The following UGT1A8 variants were observed in gnomAD, a reference collection of about 807,000 sequenced individuals.
UGT1A8 encodes the protein UDP-glucuronosyltransferase 1A8.
UGT1A8 carries 39 observed loss-of-function variants against 45.3 expected under a neutral mutation model. The observed-to-expected ratio is 0.86, with a 90% CI of 0.67 to 1.12. The LOEUF (loss-of-function observed/expected upper bound fraction) is 1.12. UGT1A8 is among the 50% of genes most tolerant of loss of function. The pLI, the probability that UGT1A8 is intolerant of heterozygous loss-of-function variation, is 0.00. For missense variants in UGT1A8, 719 were observed against 664.9 expected (o/e 1.08, Z -0.90); for synonymous variants, 275 against 249.2 (o/e 1.10, Z -0.97).
At chr2:233,676,444 TG>T (rs1282482436) in intron 1 of UGT1A8, among the ~76,000 whole-genome samples, 5 of 152,234 alleles carry the variant, frequency 3.3e-5, no homozygotes, top group Non-Finnish European at 7.3e-5. Flanking sequence ...CATGTTTCTA[TG>T]GCACATCCAT....
At chr2:233,692,951 T>G (rs2075122028) in intron 1 of UGT1A8, 1 of 1,602,764 alleles carries the variant, frequency 6.2e-7, no homozygotes, top group East Asian at 2.2e-5. Context: ...AGGAGCCCTG[T>G]GATTTGGAGA....
At chr2:233,682,872 C>G (rs1348712274) in intron 1 of UGT1A8, 5 of 1,521,250 alleles carry the variant, frequency 3.3e-6, no homozygotes, top group Non-Finnish European at 4.4e-6. Flanking sequence ...CATAATTTAT[C>G]ATTTACATTT....
chr2:233,695,167 T>C (rs898009991), intron 1 of UGT1A8, among the ~76,000 whole-genome samples: 3 of 145,396 alleles, frequency 2.1e-5, no homozygotes, highest in East Asian at 2.0e-4. Flanking sequence ...CACTCTGTCA[T>C]CAGGCTGGAG....
intron 1 of UGT1A8, among the ~76,000 whole-genome samples, chr2:233,679,021 CCTT>C (rs1386866836): frequency 7.2e-5 from 11 of 152,166 alleles, no homozygotes; most frequent in Middle Eastern, 3.2e-3. Context: ...GTGGTGTAAT[CCTT>C]CTGGACTTTC....
chr2:233,713,049 C>T (rs373053318), intron 1 of UGT1A8: 18 of 1,614,092 alleles, frequency 1.1e-5, no homozygotes, highest in Middle Eastern at 3.4e-4. Flanking sequence ...GCTGCTTCTC[C>T]TCAGTGTCCA....
chr2:233,659,419 G>T (rs1467861482), intron 1 of UGT1A8, among the ~76,000 whole-genome samples: 1 of 152,224 alleles, frequency 6.6e-6, no homozygotes, highest in African/African-American at 2.4e-5. Flanking sequence ...AATAAAGTCA[G>T]CTAGATAAAA....
chr2:233,729,346 T>C (rs1339922469), intron 1 of UGT1A8: 1 of 1,614,150 alleles, frequency 6.2e-7, no homozygotes, highest in Non-Finnish European at 8.5e-7. Context: ...AGAAGAGAAC[T>C]TTTTCACCCT....
chr2:233,747,345 C>G (rs905208353), intron 1 of UGT1A8: 1 of 1,602,430 alleles, frequency 6.2e-7, no homozygotes, highest in Admixed American at 1.7e-5. Context: ...GGCTCGCATG[C>G]GGGAGGCCGT....
chr2:233,626,529 C>T (rs935532727), intron 1 of UGT1A8, among the ~76,000 whole-genome samples: 1 of 151,960 alleles, frequency 6.6e-6, no homozygotes, highest in Non-Finnish European at 1.5e-5. Flanking sequence ...GTCTTAAATC[C>T]TGTGAAGTCA....
intron 1 of UGT1A8, chr2:233,708,634 C>CTAA (rs2076027247): frequency 6.6e-6 from 1 of 152,130 alleles, no homozygotes; most frequent in Non-Finnish European, 1.5e-5. Flanking sequence ...GCCTGTAGAC[C>CTAA]TAACTACTCG....
rs1358825451 is a variant in UGT1A8, at chr2:233,772,781, A to T, written c.*222A>T. ...TATCGTGCCCCCTCTGGTGTCTTTG[A>T]TCAGGATGACATGTGCCATTTTTCA... On this transcript the variant is annotated 3_prime_UTR_variant, in exon 5 of 5. Transcript: ENST00000373450. The T allele has an allele frequency of 2.3e-6, 3 of 1,287,486 alleles. No homozygotes were observed. Among genetic ancestry groups the T allele is most frequent in the Non-Finnish European group, 3.1e-6 (3 of 975,386 alleles). The allele number at this position is 1,287,486 out of a possible 1,614,324, so 79.8% of individuals were successfully genotyped here.
At chr2:233,746,793 T>G (rs1030985091) in intron 1 of UGT1A8, among the ~76,000 whole-genome samples, 4 of 151,826 alleles carry the variant, frequency 2.6e-5, no homozygotes, top group Non-Finnish European at 4.4e-5. Context: ...TTGTAATTCA[T>G]GAGCGTGAAT....
At chr2:233,618,938 A>G (rs923955064) in intron 1 of UGT1A8, among the ~76,000 whole-genome samples, 1 of 152,094 alleles carries the variant, frequency 6.6e-6, no homozygotes, top group Non-Finnish European at 1.5e-5. Context: ...AAAGTATTTT[A>G]GGTGTATATA....
intron 1 of UGT1A8, among the ~76,000 whole-genome samples, chr2:233,719,971 C>T (rs1172487413): frequency 6.6e-6 from 1 of 152,170 alleles, no homozygotes; most frequent in Non-Finnish European, 1.5e-5. Context: ...GCATGTCCTT[C>T]AGCTCGGCAG....
Position 233,772,900 on chromosome 2 carries a change from C to A in UGT1A8, c.*341C>A. Reference sequence around the variant, plus strand: ...GCGGGATTCAAAGGTGGTCCCACGGCTGCCCCTACTGCAAATGGCAGTTTT... The same window carrying A: ...GCGGGATTCAAAGGTGGTCCCACGGATGCCCCTACTGCAAATGGCAGTTTT... On this transcript the variant is annotated 3_prime_UTR_variant, in exon 5 of 5. Coordinates refer to ENST00000373450, the MANE Select transcript of UGT1A8 (RefSeq NM_019076.5). 2.4e-6 allele frequency: 1 copy of A among 417,126 alleles called. No homozygotes were observed. The highest frequency in any genetic ancestry group is 4.1e-6 in the Non-Finnish European group (1 of 243,572). The allele number at this position is 417,126 out of a possible 1,614,324, so 25.8% of individuals were successfully genotyped here.
At chr2:233,761,622 G>A (rs1417511901) in intron 1 of UGT1A8, among the ~76,000 whole-genome samples, 3 of 152,238 alleles carry the variant, frequency 2.0e-5, no homozygotes, top group Non-Finnish European at 4.4e-5. Flanking sequence ...CTGATAAGAA[G>A]CTAAATCCTG....
intron 1 of UGT1A8, chr2:233,760,655 T>C (rs1293428675): frequency 1.9e-6 from 3 of 1,614,216 alleles, no homozygotes; most frequent in South Asian, 2.2e-5. Flanking sequence ...TCTGCTATGC[T>C]TTTGTCTGGC....
intron 1 of UGT1A8, among the ~76,000 whole-genome samples, chr2:233,656,448 G>A (rs571052320): frequency 3.3e-5 from 5 of 152,288 alleles, no homozygotes; most frequent in East Asian, 3.9e-4. Context: ...GTCCGGTGGA[G>A]GTGCACTTGT....
At chr2:233,641,997 A>G (rs931488202) in intron 1 of UGT1A8, among the ~76,000 whole-genome samples, 1 of 152,138 alleles carries the variant, frequency 6.6e-6, no homozygotes, top group Non-Finnish European at 1.5e-5. Context: ...TCTTTGGGTT[A>G]AATGTGCTTG....
Sources: allele counts gnomAD v4.1 joint callset (sites outside exome capture counted in the v4.1 genomes callset), GRCh38; gene constraint gnomAD v4.1.1; transcripts MANE v1.5; gene names NCBI Gene and HGNC (gene_info 2026-07-23, HGNC 2026-07-21).